Variants in EIF4E observed in about 807,000 individuals in gnomAD.
EIF4E encodes the protein eukaryotic translation initiation factor 4E.
For synonymous variants in EIF4E, 71 were observed against 88.5 expected (o/e 0.80, Z 1.11); for missense variants, 113 against 265.6 (o/e 0.43, Z 3.99).
At chr4:98,883,016 T>C (rs534731727) in intron 6 of EIF4E, among the ~76,000 whole-genome samples, 1 of 152,186 alleles carries the variant, frequency 6.6e-6, no homozygotes, top group African/African-American at 2.4e-5. Flanking sequence ...CTGAGAGCAA[T>C]GGATCACGCC....
At chr4:98,896,408 G>T (rs1211288492) in intron 2 of EIF4E, among the ~76,000 whole-genome samples, 2 of 142,532 alleles carry the variant, frequency 1.4e-5, no homozygotes, top group Admixed American at 7.4e-5. Flanking sequence ...ACAGGGAATG[G>T]AAGGGGAAGG....
At chr4:98,921,046 A>T (rs1033027516) in intron 1 of EIF4E, among the ~76,000 whole-genome samples, 7 of 151,936 alleles carry the variant, frequency 4.6e-5, no homozygotes, top group Non-Finnish European at 1.0e-4. Flanking sequence ...GCTAAAAATT[A>T]AAAAAAAATT....
chr4:98,887,952 A>T lies in EIF4E; in HGVS notation c.222T>A (p.Ala74=), dbSNP rs1386388849. The change falls in exon 4 of 7, where the codon GCT becomes GCA. Residue 74 remains alanine (A), a splice_region_variant and synonymous_variant. Transcript: ENST00000450253. The surrounding 1 kb of genome is among the most constrained non-coding windows in gnomAD (Gnocchi z 4.0). The part of the protein sequence containing the change: ...SKFDTVEDFW[A]LYNHIQLSSN... ...TAGACAACTGGATATGGTTGTACAG[A>T]CTAGGTAAAAGAAAATAACAATTAA... 2.5e-6 allele frequency: 4 copies of T among 1,611,210 alleles called. No individual in the cohort carries two copies. Among genetic ancestry groups the T allele is most frequent in the Non-Finnish European group, 3.4e-6 (4 of 1,178,636 alleles).
At chr4:98,921,165 C>G (rs1398355703) in intron 1 of EIF4E, among the ~76,000 whole-genome samples, 1 of 152,110 alleles carries the variant, frequency 6.6e-6, no homozygotes, top group Non-Finnish European at 1.5e-5. Context: ...ATGAATTCCT[C>G]ACCTATAAAG....
chr4:98,918,842 A>C (rs1725520839), intron 1 of EIF4E, among the ~76,000 whole-genome samples: 1 of 152,274 alleles, frequency 6.6e-6, no homozygotes, highest in Non-Finnish European at 1.5e-5. Context: ...TTATAAATAT[A>C]CATATTTGCT....
At chr4:98,928,030 T>C (rs965686386) in intron 1 of EIF4E, among the ~76,000 whole-genome samples, 1 of 152,042 alleles carries the variant, frequency 6.6e-6, no homozygotes, top group Admixed American at 6.6e-5. Context: ...GTCTGTAGCA[T>C]AGATAAAGAG....
At chr4:98,894,530 G>A (rs1467729596) in intron 2 of EIF4E, among the ~76,000 whole-genome samples, 1 of 152,242 alleles carries the variant, frequency 6.6e-6, no homozygotes, top group East Asian at 1.9e-4. Flanking sequence ...CCTTATAACT[G>A]ACCTCTGCCA....
intron 1 of EIF4E, among the ~76,000 whole-genome samples, chr4:98,921,090 A>G (rs1200924524): frequency 6.6e-6 from 1 of 152,224 alleles, no homozygotes; most frequent in Non-Finnish European, 1.5e-5. Flanking sequence ...TGCGGCACCA[A>G]AACTTTGTAT....
intron 3 of EIF4E, among the ~76,000 whole-genome samples, chr4:98,889,844 G>A (rs13136880): frequency 0.043 from 6,570 of 151,910 alleles, 184 homozygotes; most frequent in Non-Finnish European, 0.069. Context: ...TTTTTTGGGG[G>A]GTGCAGAAGA....
At chr4:98,926,526 G>A (rs1008968547) in intron 1 of EIF4E, 3 of 151,852 alleles carry the variant, frequency 2.0e-5, no homozygotes, top group African/African-American at 4.8e-5. Context: ...TGGGCAACAA[G>A]AGTGAAAGTC....
In EIF4E at chr4:98,879,826, C is replaced by T. The variant is rs1350314859; in HGVS notation, c.*1202G>A. The T allele has an allele frequency of 2.0e-5, 3 of 152,164 alleles. No individual in the cohort carries two copies. The highest frequency in any genetic ancestry group is 4.8e-5 in the African/African-American group (2 of 41,552). 9.4% of individuals were successfully genotyped at this position (152,164 alleles called of 1,614,324 possible). On this transcript the variant is annotated 3_prime_UTR_variant, in exon 7 of 7. Transcript: ENST00000450253. ...ATTTACCTAAGACTGAATGACTGTGCCTTACTTTATAAAAAAACAAAGATA... is the reference window on the plus strand; with the variant it reads ...ATTTACCTAAGACTGAATGACTGTGTCTTACTTTATAAAAAAACAAAGATA...
intron 1 of EIF4E, among the ~76,000 whole-genome samples, chr4:98,918,873 TA>T (rs1302963153): frequency 5.9e-5 from 9 of 152,234 alleles, no homozygotes; most frequent in African/African-American, 2.2e-4. Context: ...AAATCTCTAT[TA>T]AAAGTTAAAC....
At position 98,887,376 on chromosome 4, in the gene EIF4E, G is replaced by C. The variant is rs948614505; in HGVS notation, c.286-184C>G. Among the ~76,000 whole-genome samples the C allele has an allele frequency of 1.3e-5, 2 of 152,202 alleles. No individual in the cohort carries two copies. Among genetic ancestry groups the C allele is most frequent in the Admixed American group, 6.5e-5 (1 of 15,282 alleles). On this transcript the variant is annotated intron_variant, in intron 4 of 6. Transcript: ENST00000450253. The surrounding 1 kb of genome is among the most constrained non-coding windows in gnomAD (Gnocchi z 4.0). ...CCAGAGGCATGACATTGCAGAATTA[G>C]AGTCCTGGCTTTGTCACTTATTAGC...
intron 1 of EIF4E, chr4:98,909,460 AC>A: frequency 1.8e-6 from 1 of 546,088 alleles, no homozygotes; most frequent in Non-Finnish European, 3.2e-6. Context: ...ACTTGAACAC[AC>A]AGCAGTGGTC....
chr4:98,915,717 T>C (rs1725348563), intron 1 of EIF4E, among the ~76,000 whole-genome samples: 1 of 151,626 alleles, frequency 6.6e-6, no homozygotes, highest in Admixed American at 6.6e-5. Context: ...ATTTTTTGTA[T>C]TTTTAGTAGA....
At chr4:98,928,981 AG>A (rs1362996493) in intron 1 of EIF4E, 113 bp downstream of exon 1, 3 of 1,571,712 alleles carry the variant, frequency 1.9e-6, no homozygotes, top group African/African-American at 1.4e-5. Flanking sequence ...ATGAAGGGGA[AG>A]GGGCGGCAAG....
chr4:98,910,013 G>A (rs1725047500), intron 1 of EIF4E: 1 of 387,962 alleles, frequency 2.6e-6, no homozygotes, highest in Non-Finnish European at 4.5e-6. Flanking sequence ...AACAAATATA[G>A]TCTTACCACC....
At chr4:98,901,801 T>C (rs1048176624) in intron 2 of EIF4E, 75 bp downstream of exon 2, 75 of 1,346,230 alleles carry the variant, frequency 5.6e-5, no homozygotes, top group Non-Finnish European at 7.7e-5. Flanking sequence ...ATAATCTAAC[T>C]TTCCCTTCAA....
chr4:98,902,127 C>T lies in EIF4E; in HGVS notation c.19-145G>A, dbSNP rs564725581. On this transcript the variant is annotated intron_variant, in intron 1 of 6. Transcript: ENST00000450253. ...TCTGTTGCCCAGGCTGGAGTGCAGT[C>T]GTGCGATCTTGGCTCACTGCAACCT... is the stretch of plus-strand genomic sequence containing the variant. 3.8e-5 allele frequency: 25 copies of T among 663,754 alleles called. No individual in the cohort carries two copies. The African/African-American group carries it at 3.8e-4, about 10-fold the overall frequency. 41.1% of individuals were successfully genotyped at this position (663,754 alleles called of 1,614,324 possible).
Sources: gnomAD v4.1 joint callset for allele counts (sites outside exome capture counted in the v4.1 genomes callset) on GRCh38, gnomAD v4.1.1 for gene constraint, Gnocchi (gnomAD v3.1) non-coding constraint, MANE v1.5 for transcripts, NCBI Gene and HGNC (gene_info 2026-07-23, HGNC 2026-07-21) for gene names.